The following TMEM72 variants were observed in gnomAD, a reference collection of about 807,000 sequenced individuals.
TMEM72 encodes kidney-specific secretory protein of 37 kDa.
Under a neutral mutation model 16.3 loss-of-function variants are expected in TMEM72, and 9 were observed. The ratio of observed to expected loss-of-function variants is 0.55; its 90% CI spans 0.33 to 0.96. The LOEUF (loss-of-function observed/expected upper bound fraction) is 0.96, where lower values mean the gene tolerates loss of function less well. TMEM72 is among the 40% of genes least tolerant of loss of function. The probability of loss-of-function intolerance (pLI) is 0.03; values close to 1 mark genes in which losing one functional copy is unlikely to be tolerated. For synonymous variants in TMEM72, 160 were observed against 146.5 expected, an observed-to-expected ratio of 1.09 and a Z score of -0.66; for missense variants, 324 against 337.8, an observed-to-expected ratio of 0.96 and a Z score of 0.32.
At chr10:44,927,429 G>A (rs1475985564) in intron 1 of TMEM72, among the ~76,000 whole-genome samples, 1 of 140,548 alleles carries the variant, frequency 7.1e-6, no homozygotes, top group Non-Finnish European at 1.5e-5. Flanking sequence ...TCAGCACTGG[G>A]TCCAAAGCAA....
At chr10:44,914,787 C>A (rs1052507396) in intron 1 of TMEM72, among the ~76,000 whole-genome samples, 3 of 152,192 alleles carry the variant, frequency 2.0e-5, no homozygotes, top group African/African-American at 7.2e-5. Flanking sequence ...GGCACTCCTC[C>A]CCTGTGAGAT....
rs866375925 is a variant in TMEM72, at chr10:44,934,645, C to T, written c.350-11C>T. On this transcript the variant is annotated splice_polypyrimidine_tract_variant and intron_variant, in intron 4 of 4. Coordinates refer to ENST00000389583, the MANE Select transcript of TMEM72 (RefSeq NM_001123376.3). ...ACTCCTCTAGAGCCCTGACCTCTGG[C>T]TCTTTTCCAGGCTCCATGCTCATCA... 4.5e-6 allele frequency: 7 copies of T among 1,547,396 alleles called. No individual in the cohort carries two copies. The African/African-American group carries it at 9.7e-5, about 21-fold the overall frequency.
chr10:44,921,134 A>G (rs1840091488), intron 1 of TMEM72, among the ~76,000 whole-genome samples: 1 of 152,206 alleles, frequency 6.6e-6, no homozygotes, highest in African/African-American at 2.4e-5. Context: ...CACAGGAGGG[A>G]CAGAGACTGG....
Position 44,927,937 on chromosome 10 carries a change from C to T in TMEM72, c.87C>T (p.Gly29=), listed in dbSNP as rs767171944. The change falls in exon 2 of 5, where the codon GGC becomes GGT. Residue 29 remains glycine (G), a synonymous_variant. Transcript: ENST00000389583. ...ITTAAVLIGV[G]TETFLQGQFK... ...GCCCCTTAGTGTTGATCGGCGTGGG[C>T]ACTGAGACCTTCCTCCAGGGCCAGT... 6.2e-7 allele frequency: 1 copy of T among 1,613,928 alleles called. No individual in the cohort carries two copies. Among genetic ancestry groups the T allele is most frequent in the East Asian group, 2.2e-5 (1 of 44,874 alleles).
intron 1 of TMEM72, among the ~76,000 whole-genome samples, chr10:44,920,496 T>C (rs369156995): frequency 2.0e-5 from 3 of 152,174 alleles, no homozygotes; most frequent in East Asian, 3.9e-4. Context: ...GATGTGGAGA[T>C]AGATGGGAGT....
In TMEM72 at chr10:44,934,612, T is replaced by C. The variant is rs369307682; in HGVS notation, c.350-44T>C. Reference sequence around the variant, plus strand: ...ACATGCTTGCAAGGACTCCGGATTTTTTCCGTGACTCCTCTAGAGCCCTGA... The same window carrying C: ...ACATGCTTGCAAGGACTCCGGATTTCTTCCGTGACTCCTCTAGAGCCCTGA... On this transcript the variant is annotated intron_variant, in intron 4 of 4. Coordinates refer to ENST00000389583, the MANE Select transcript of TMEM72 (RefSeq NM_001123376.3). 9.3e-6 allele frequency: 14 copies of C among 1,503,444 alleles called. No individual in the cohort carries two copies. The African/African-American group carries it at 1.7e-4, about 18-fold the overall frequency. 93.1% of individuals were successfully genotyped at this position (1,503,444 alleles called of 1,614,324 possible).
chr10:44,914,542 G>C (rs978752846), intron 1 of TMEM72, among the ~76,000 whole-genome samples: 2 of 152,204 alleles, frequency 1.3e-5, no homozygotes, highest in African/African-American at 4.8e-5. Context: ...CTGGGAAATG[G>C]CACACAGGCT....
Position 44,932,028 on chromosome 10 carries a change from A to G in TMEM72, c.168A>G (p.Glu56=), listed in dbSNP as rs1256024113. 6.2e-7 allele frequency: 1 copy of G among 1,613,430 alleles called. No individual in the cohort carries two copies. The highest frequency in any genetic ancestry group is 1.7e-5 in the Admixed American group (1 of 59,950). The change falls in exon 3 of 5, where the codon GAA becomes GAG. Residue 56 remains glutamate, a synonymous_variant. Transcript: ENST00000389583. ...CAGGAGCCGCTGTCTCCATATGTGA[A>G]GGGGCCTACTTTGTGGCTCAGCTGC... ...LFTGAAVSIC[E]GAYFVAQLLA...
intron 2 of TMEM72, among the ~76,000 whole-genome samples, chr10:44,930,687 A>G (rs894980342): frequency 6.6e-6 from 1 of 152,190 alleles, no homozygotes; most frequent in African/African-American, 2.4e-5. Context: ...AGGAGTGGAG[A>G]TCACTAAATG....
At chr10:44,926,025 T>TCACACA (rs59066381) in intron 1 of TMEM72, among the ~76,000 whole-genome samples, 4 of 146,270 alleles carry the variant, frequency 2.7e-5, no homozygotes, top group Non-Finnish European at 6.1e-5. Context: ...ACACATACAC[T>TCACACA]CACACACACA....
chr10:44,911,462 C>G lies in TMEM72; in HGVS notation c.-51C>G, dbSNP rs143625079. 6.5e-7 allele frequency: 1 copy of G among 1,537,346 alleles called. No individual in the cohort carries two copies. Among genetic ancestry groups the G allele is most frequent in the Non-Finnish European group, 8.8e-7 (1 of 1,137,796 alleles). ...AGGGTGTTCGGGAGCATCTCAGGGC[C>G]GAAGACTTTGCTGCCTGCCCTGCCA... On this transcript the variant is annotated 5_prime_UTR_variant, in exon 1 of 5. Transcript: ENST00000389583.
Position 44,935,286 on chromosome 10 carries a change from C to T in TMEM72, c.*152C>T, listed in dbSNP as rs1393690507. The T allele has an allele frequency of 5.7e-6, 4 of 702,320 alleles. No individual in the cohort carries two copies. Among genetic ancestry groups the T allele is most frequent in the African/African-American group, 5.4e-5 (3 of 55,556 alleles). 43.5% of individuals were successfully genotyped at this position (702,320 alleles called of 1,614,324 possible). A position where few individuals can be genotyped will look rare whatever the true frequency, so the allele number is the denominator to read the frequency against. On this transcript the variant is annotated 3_prime_UTR_variant, in exon 5 of 5. Transcript: ENST00000389583. ...CCCCTGAGGCCATCAGGAGGTGTGACTGGCCAGCATTTCTGGAGAGGCCTC... is the reference window on the plus strand; with the variant it reads ...CCCCTGAGGCCATCAGGAGGTGTGATTGGCCAGCATTTCTGGAGAGGCCTC...
chr10:44,911,554 C>T lies in TMEM72; in HGVS notation c.42C>T (p.Cys14=). Residue 14 remains cysteine, a synonymous_variant, in exon 1 of 5, where the codon TGC becomes TGT. Transcript: ENST00000389583. ...QVFWTGLEYT[C]RLLGITTAAV... ...TCTGGACTGGGCTGGAATACACCTG[C>T]CGGCTCCTGGGCATCACCACTGCTG... 1.3e-6 allele frequency: 2 copies of T among 1,551,300 alleles called. No individual in the cohort carries two copies. The highest frequency in any genetic ancestry group is 8.7e-7 in the Non-Finnish European group (1 of 1,147,308).
At chr10:44,933,881 T>G in intron 4 of TMEM72, 105 bp downstream of exon 4, 1 of 1,388,814 alleles carries the variant, frequency 7.2e-7, no homozygotes, top group Non-Finnish European at 9.5e-7. Context: ...CCAGGGACCT[T>G]ACCTGCCCCA....
chr10:44,913,201 T>C (rs1256385774), intron 1 of TMEM72, among the ~76,000 whole-genome samples: 29 of 152,086 alleles, frequency 1.9e-4, no homozygotes, highest in Admixed American at 1.9e-3. Flanking sequence ...CCACCCTAAA[T>C]AGGTTTCCAT....
At chr10:44,911,650 G>A (rs1215723133) in intron 1 of TMEM72, 68 bp downstream of exon 1, 3 of 1,524,396 alleles carry the variant, frequency 2.0e-6, no homozygotes, top group Non-Finnish European at 2.7e-6. Context: ...CCTGAGGGGT[G>A]GGAGGTGGCC....
At chr10:44,926,025 T>A (rs911502500) in intron 1 of TMEM72, among the ~76,000 whole-genome samples, 18 of 146,266 alleles carry the variant, frequency 1.2e-4, no homozygotes, top group Non-Finnish European at 2.6e-4. Flanking sequence ...ACACATACAC[T>A]CACACACACA....
At chr10:44,922,877 C>G (rs1403618037) in intron 1 of TMEM72, among the ~76,000 whole-genome samples, 1 of 152,220 alleles carries the variant, frequency 6.6e-6, no homozygotes, top group Non-Finnish European at 1.5e-5. Flanking sequence ...AATGTTTACT[C>G]TAAGGCGTCA....
chr10:44,912,682 T>C (rs1239941273), intron 1 of TMEM72, among the ~76,000 whole-genome samples: 2 of 152,200 alleles, frequency 1.3e-5, no homozygotes, highest in Admixed American at 6.5e-5. Context: ...ATGCAGGAAC[T>C]GAGCATGGCT....
Sources: gnomAD v4.1 joint callset for allele counts (sites outside exome capture counted in the v4.1 genomes callset) on GRCh38, gnomAD v4.1.1 for gene constraint, MANE v1.5 for transcripts, NCBI Gene and HGNC (gene_info 2026-07-23, HGNC 2026-07-21) for gene names.